Variants in TBC1D12 observed in about 807,000 individuals in gnomAD.
TBC1D12 encodes TBC1 domain family, member 12.
A neutral mutation model predicts 86.7 loss-of-function variants in TBC1D12; 56 were observed. The observed-to-expected ratio is 0.65, with a 90% confidence interval of 0.52 to 0.81. The LOEUF (loss-of-function observed/expected upper bound fraction) is 0.81, where lower values mean the gene tolerates loss of function less well. Among genes scored for constraint, TBC1D12 ranks in the 30% least tolerant of loss-of-function variants. TBC1D12 has a pLI of 0.00. For missense variants in TBC1D12, 1,023 were observed against 1,038.8 expected (o/e 0.98, Z 0.21); for synonymous variants, 421 against 411.7 (o/e 1.02, Z -0.27).
chr10:94,467,357 C>T (rs543314122), intron 2 of TBC1D12, among the ~76,000 whole-genome samples: 8 of 151,990 alleles, frequency 5.3e-5, no homozygotes, highest in African/African-American at 1.9e-4. Flanking sequence ...CTCAGCCTCC[C>T]GAGTAGCTGG....
rs74231363 is a variant in TBC1D12, at chr10:94,404,310, A to T, written c.971+726A>T. Among the ~76,000 whole-genome samples, 426 of 152,198 alleles carry T rather than the reference A, an allele frequency of 2.8e-3. 10 individuals carry two copies. In the East Asian group the frequency reaches 0.062, roughly 22 times the overall value. On this transcript the variant is annotated intron_variant, in intron 1 of 12. Transcript: ENST00000225235. ...TTTCCCCAATAACTTTAGTTTTTTTAAAAAATGGTATTGTATTTGTGATTT... is the reference window on the plus strand; with the variant it reads ...TTTCCCCAATAACTTTAGTTTTTTTTAAAAATGGTATTGTATTTGTGATTT...
chr10:94,402,687 C>T lies in TBC1D12; in HGVS notation c.74C>T (p.Pro25Leu), dbSNP rs2054782873. The change falls in exon 1 of 13, where the codon CCC becomes CTC. Residue 25 changes from proline (P) to leucine (L), a missense_variant. Pro to Leu is a moderately conservative substitution (Grantham distance 98). Transcript: ENST00000225235. ...TTGCTCCCGGTGCCTGCGCCGGACCCCGTGGGCCAGGACAGGAAGGTAATC... is the reference window on the plus strand; with the variant it reads ...TTGCTCCCGGTGCCTGCGCCGGACCTCGTGGGCCAGGACAGGAAGGTAATC... ...PKLLPVPAPD[P>L]VGQDRKVIRA... 3 of 1,603,904 alleles carry T rather than the reference C, an allele frequency of 1.9e-6. No individual in the cohort carries two copies. Among genetic ancestry groups the T allele is most frequent in the Non-Finnish European group, 2.6e-6 (3 of 1,175,922 alleles).
intron 1 of TBC1D12, among the ~76,000 whole-genome samples, chr10:94,419,779 T>G (rs2055050549): frequency 6.6e-6 from 1 of 152,198 alleles, no homozygotes; most frequent in Non-Finnish European, 1.5e-5. Context: ...TAATTTAGTT[T>G]TCTATTTAAT....
intron 1 of TBC1D12, among the ~76,000 whole-genome samples, chr10:94,404,267 A>G (rs776002224): frequency 6.6e-6 from 1 of 152,258 alleles, no homozygotes; most frequent in Non-Finnish European, 1.5e-5. Flanking sequence ...CTAATCTCCC[A>G]GATAAGCCTC....
Position 94,500,230 on chromosome 10 carries a change from A to C in TBC1D12, c.1422A>C (p.Thr474=). Residue 474 remains threonine (T), a synonymous_variant, in exon 6 of 13, where the codon ACA becomes ACC. Transcript: ENST00000225235. The part of the protein sequence containing the change: ...ILPNWEVMRS[T]RRVRELWWQG... ...CCTCCTTTAATTCTAGGCGTAGTAC[A>C]AGAAGAGTTCGAGAATTGTGGTGGC... 4 of 1,613,844 alleles carry C rather than the reference A, an allele frequency of 2.5e-6. No individual in the cohort carries two copies. The highest frequency in any genetic ancestry group is 3.4e-6 in the Non-Finnish European group (4 of 1,179,882).
At chr10:94,525,812 T>C (rs1034802583) in intron 11 of TBC1D12, among the ~76,000 whole-genome samples, 7 of 148,392 alleles carry the variant, frequency 4.7e-5, no homozygotes. Context: ...TTTTAAAATA[T>C]TTTTTTTAGT....
Position 94,522,434 on chromosome 10 carries a change from G to GTCTATCAAGT in TBC1D12, c.1981_1982insTCTATCAAGT (p.Asp661ValfsTer16). 7.4e-7 allele frequency: 1 copy of GTCTATCAAGT among 1,354,340 alleles called. No individual in the cohort carries two copies. The highest frequency in any genetic ancestry group is 1.0e-6 in the Non-Finnish European group (1 of 982,286). The allele number at this position is 1,354,340 out of a possible 1,614,324, so 83.9% of individuals were successfully genotyped here. A position where few individuals can be genotyped will look rare whatever the true frequency, so the allele number is the denominator to read the frequency against. On this transcript the variant is annotated frameshift_variant, in exon 11 of 13. Transcript: ENST00000225235. LOFTEE classifies it high-confidence loss of function. ...CTTCAAATCTTACAGTCTTACACCA[G>GTCTATCAAGT]ATATATACTTGATAGACTGGTAAGT...
intron 9 of TBC1D12, among the ~76,000 whole-genome samples, chr10:94,515,456 T>G (rs2056580102): frequency 6.6e-6 from 1 of 151,270 alleles, no homozygotes; most frequent in Admixed American, 6.6e-5. Context: ...CAAGCAATTC[T>G]CCTGCCTCAG....
At chr10:94,464,201 T>A (rs1446825498) in intron 2 of TBC1D12, among the ~76,000 whole-genome samples, 3 of 152,194 alleles carry the variant, frequency 2.0e-5, no homozygotes, top group Non-Finnish European at 4.4e-5. Flanking sequence ...TACAATCTGA[T>A]ACCCTCTATT....
chr10:94,492,354 TA>T (rs60703580), intron 3 of TBC1D12, among the ~76,000 whole-genome samples: 3,336 of 152,246 alleles, frequency 0.022, 125 homozygotes, highest in African/African-American at 0.074. Context: ...CTTAAAACTC[TA>T]ATTAGTGGAA....
chr10:94,403,447 G>C lies in TBC1D12; in HGVS notation c.834G>C (p.Gln278His), dbSNP rs773558114. 1.0e-5 allele frequency: 16 copies of C among 1,545,686 alleles called. No individual in the cohort carries two copies. The Admixed American group carries it at 1.2e-4, about 11-fold the overall frequency. The change falls in exon 1 of 13, where the codon CAG (glutamine) becomes CAC (histidine). Residue 278 changes from glutamine (Q) to histidine (H), a missense_variant. Physicochemically the swap from Gln to His is conservative, Grantham distance 24 (BLOSUM62 0). Around this residue, in one of 2 missense-constraint regions of TBC1D12, gnomAD observed 628 missense variants for 531.1 expected, o/e 1.18. Coordinates refer to ENST00000225235, the MANE Select transcript of TBC1D12 (RefSeq NM_015188.2). ...ACTTCAACTCTCGCAACACGTTCCA[G>C]GTGAGCCGCGGTCAGAGCGCCCGCG... Reference protein sequence around the residue: ...DIHFNSRNTFQVSRGQSARDH... With the variant: ...DIHFNSRNTFHVSRGQSARDH...
chr10:94,531,767 A>ATGTTATTTTC (rs1842430818), intron 12 of TBC1D12, among the ~76,000 whole-genome samples: 17 of 130,012 alleles, frequency 1.3e-4, no homozygotes, highest in African/African-American at 4.8e-4. Flanking sequence ...ATTTTATTTT[A>ATGTTATTTTC]TTTTATGTTA....
chr10:94,506,175 T>A (rs2056458615), intron 6 of TBC1D12, among the ~76,000 whole-genome samples: 1 of 152,146 alleles, frequency 6.6e-6, no homozygotes, highest in East Asian at 1.9e-4. Flanking sequence ...TATCTGGGAT[T>A]ACAGGCATGC....
Position 94,465,794 on chromosome 10 carries a change from G to A in TBC1D12, c.1096-8874G>A, listed in dbSNP as rs199787657. Among the ~76,000 whole-genome samples the A allele has an allele frequency of 7.8e-3, 1,152 of 147,506 alleles. 19 individuals are homozygous for A. The highest frequency in any genetic ancestry group is 0.027 in the African/African-American group (1,092 of 39,992). On this transcript the variant is annotated intron_variant, in intron 2 of 12. Transcript: ENST00000225235. Reference sequence around the variant, plus strand: ...TATACGCATACATACATACATATACGCATACATACATATACGCATACATAC... The same window carrying A: ...TATACGCATACATACATACATATACACATACATACATATACGCATACATAC...
chr10:94,495,414 C>T (rs2056302376), intron 4 of TBC1D12, among the ~76,000 whole-genome samples: 1 of 152,184 alleles, frequency 6.6e-6, no homozygotes, highest in East Asian at 1.9e-4. Flanking sequence ...AGCAATTCTC[C>T]CACCTGGGCC....
chr10:94,430,568 G>A (rs1258433518), intron 1 of TBC1D12, among the ~76,000 whole-genome samples: 2 of 152,198 alleles, frequency 1.3e-5, no homozygotes, highest in African/African-American at 2.4e-5. Context: ...TAGGCAAATG[G>A]TCTGACTCTT....
At chr10:94,513,137 C>T (rs1385804283) in intron 9 of TBC1D12, among the ~76,000 whole-genome samples, 1 of 152,008 alleles carries the variant, frequency 6.6e-6, no homozygotes, top group Non-Finnish European at 1.5e-5. Flanking sequence ...ATCCCAGCTA[C>T]TCAGGAGGCT....
chr10:94,488,079 C>T (rs570715789), intron 3 of TBC1D12, among the ~76,000 whole-genome samples: 2 of 152,014 alleles, frequency 1.3e-5, no homozygotes, highest in African/African-American at 4.8e-5. Context: ...ATTGGTTCAT[C>T]TTTTAATCTT....
At chr10:94,425,550 C>T (rs1438045535) in intron 1 of TBC1D12, among the ~76,000 whole-genome samples, 13 of 152,152 alleles carry the variant, frequency 8.5e-5, no homozygotes, top group Admixed American at 5.2e-4. Flanking sequence ...AAATTTGGAG[C>T]TCACACTGTA....
Sources: gnomAD v4.1 joint callset for allele counts (sites outside exome capture counted in the v4.1 genomes callset) on GRCh38, gnomAD v4.1.1 for gene constraint, gnomAD v4.1.1 regional missense constraint, MANE v1.5 for transcripts, NCBI Gene and HGNC (gene_info 2026-07-23, HGNC 2026-07-21) for gene names.